The following SGMS1 variants were observed in gnomAD, a reference collection of about 807,000 sequenced individuals.
SGMS1 encodes the protein sphingomyelin synthase 1.
SGMS1 carries 13 observed loss-of-function variants against 46.2 expected under a neutral mutation model. The ratio of observed to expected loss-of-function variants is 0.28; its 90% CI spans 0.18 to 0.45. The LOEUF (loss-of-function observed/expected upper bound fraction) is 0.45. SGMS1 is among the 20% of genes least tolerant of loss of function. The probability of loss-of-function intolerance (pLI) is 1.00; values close to 1 mark genes in which losing one functional copy is unlikely to be tolerated. For missense variants in SGMS1, 324 were observed against 519.9 expected, an observed-to-expected ratio of 0.62 and a Z score of 3.66; for synonymous variants, 203 against 187.8, an observed-to-expected ratio of 1.08 and a Z score of -0.66.
At position 50,569,299 on chromosome 10, in the gene SGMS1, TA is replaced by T. The variant is rs72066798; in HGVS notation, c.-589+20853del. The stretch of plus-strand genomic sequence containing the variant: ...ACATGTATCCCAGAACTTAAAGTAT[TA>T]AAAAAAAAAAAAAAAAAGAGTGGTT... On this transcript the variant is annotated intron_variant, in intron 2 of 10. Transcript: ENST00000361781. Among the ~76,000 whole-genome samples the T allele has an allele frequency of 5.0e-3, 656 of 130,464 alleles. 5 individuals are homozygous for T. Among genetic ancestry groups the T allele is most frequent in the African/African-American group, 0.016 (546 of 34,586 alleles). 85.6% of individuals were successfully genotyped at this position (130,464 alleles called of 152,430 possible).
chr10:50,556,866 G>A lies in SGMS1; in HGVS notation c.-589+33287C>T, dbSNP rs146553736. ...CAAGCACAGGAAATGCCGTCCTGCA[G>A]AGGTAAAGGTTAAGGCCAACATTTC... On this transcript the variant is annotated intron_variant, in intron 2 of 10. Transcript: ENST00000361781. 9.2e-5 allele frequency among the ~76,000 whole-genome samples: 14 copies of A among 152,322 alleles called. No homozygotes were observed. In the East Asian group the frequency reaches 2.7e-3, roughly 29 times the overall value.
At chr10:50,606,375 T>C (rs918303638) in intron 1 of SGMS1, among the ~76,000 whole-genome samples, 1 of 152,186 alleles carries the variant, frequency 6.6e-6, no homozygotes, top group African/African-American at 2.4e-5. Context: ...GAGGAAGTCA[T>C]TCTGGAGATG....
At chr10:50,450,216 G>T (rs558671858) in intron 5 of SGMS1, among the ~76,000 whole-genome samples, 19 of 152,244 alleles carry the variant, frequency 1.2e-4, no homozygotes, top group Non-Finnish European at 2.5e-4. Flanking sequence ...TATTCTATAT[G>T]ATGAGACTAA....
At chr10:50,622,281 T>C (rs1455965374) in intron 1 of SGMS1, among the ~76,000 whole-genome samples, 1 of 152,110 alleles carries the variant, frequency 6.6e-6, no homozygotes, top group Non-Finnish European at 1.5e-5. Context: ...TCTCCCCTTC[T>C]GCACAGGCCA....
intron 6 of SGMS1, among the ~76,000 whole-genome samples, chr10:50,390,103 T>A (rs1848744457): frequency 6.6e-6 from 1 of 152,226 alleles, no homozygotes; most frequent in African/African-American, 2.4e-5. Context: ...CTATTTTATA[T>A]AAATAATTCA....
intron 6 of SGMS1, among the ~76,000 whole-genome samples, chr10:50,376,309 C>T (rs1848520610): frequency 1.3e-5 from 2 of 152,122 alleles, no homozygotes; most frequent in East Asian, 3.8e-4. Flanking sequence ...GTGCCTTACT[C>T]TTGCTGGTTT....
intron 2 of SGMS1, among the ~76,000 whole-genome samples, chr10:50,521,985 C>T (rs1837861060): frequency 6.6e-6 from 1 of 152,100 alleles, no homozygotes; most frequent in African/African-American, 2.4e-5. Flanking sequence ...ATCAAAATTT[C>T]CCCCTAGATT....
intron 5 of SGMS1, among the ~76,000 whole-genome samples, chr10:50,444,391 T>C (rs1836982171): frequency 6.6e-6 from 1 of 152,176 alleles, no homozygotes; most frequent in South Asian, 2.1e-4. Context: ...AATACAGTGC[T>C]GGCATAAGGA....
At chr10:50,357,948 T>G (rs1446587168) in intron 6 of SGMS1, among the ~76,000 whole-genome samples, 1 of 152,158 alleles carries the variant, frequency 6.6e-6, no homozygotes, top group Non-Finnish European at 1.5e-5. Context: ...CTTAGACTTA[T>G]AGTGAACCAA....
intron 2 of SGMS1, among the ~76,000 whole-genome samples, chr10:50,531,953 T>G (rs561561499): frequency 2.0e-5 from 3 of 152,298 alleles, no homozygotes; most frequent in Non-Finnish European, 4.4e-5. Context: ...CAACCCAGAT[T>G]CTGAGACCAA....
chr10:50,376,200 T>C (rs183435884), intron 6 of SGMS1, among the ~76,000 whole-genome samples: 59 of 152,258 alleles, frequency 3.9e-4, no homozygotes, highest in African/African-American at 1.4e-3. Flanking sequence ...CGCTGTGGTG[T>C]GGGGATAGAG....
At chr10:50,565,356 C>T (rs1661639575) in intron 2 of SGMS1, among the ~76,000 whole-genome samples, 1 of 152,172 alleles carries the variant, frequency 6.6e-6, no homozygotes, top group Admixed American at 6.5e-5. Flanking sequence ...CTTCCTGCTG[C>T]TGTAAAAAAG....
At chr10:50,623,476 A>G in intron 1 of SGMS1, 1 of 696,510 alleles carries the variant, frequency 1.4e-6, no homozygotes, top group Non-Finnish European at 1.8e-6. Context: ...GCCCCCTCCG[A>G]GCCCGGATCC....
rs759438114 is a variant in SGMS1 at position 50,556,823 on chromosome 10, C to G, written c.-589+33330G>C. On this transcript the variant is annotated intron_variant, in intron 2 of 10. Transcript: ENST00000361781. ...GCTTGCTTAGCAATCAACATCAAGT[C>G]CACTGACAAGTCCAAAGCAAGCACA... Among the ~76,000 whole-genome samples, 157 of 152,126 alleles carry G rather than the reference C, an allele frequency of 1.0e-3. 3 individuals are homozygous for G. Among genetic ancestry groups the G allele is most frequent in the Non-Finnish European group, 3.1e-4 (21 of 68,024 alleles).
chr10:50,473,747 G>A (rs977838837), intron 3 of SGMS1, among the ~76,000 whole-genome samples: 3 of 152,160 alleles, frequency 2.0e-5, no homozygotes, highest in African/African-American at 7.2e-5. Context: ...CCATTTCTGG[G>A]GGACTCTGCC....
chr10:50,516,648 C>T (rs1227762727), intron 3 of SGMS1, among the ~76,000 whole-genome samples: 4 of 152,070 alleles, frequency 2.6e-5, no homozygotes, highest in Admixed American at 2.6e-4. Flanking sequence ...TCAAAAAGAT[C>T]ACTCTTGCAC....
At chr10:50,576,824 C>T (rs1178191617) in intron 2 of SGMS1, among the ~76,000 whole-genome samples, 1 of 152,142 alleles carries the variant, frequency 6.6e-6, no homozygotes, top group East Asian at 1.9e-4. Flanking sequence ...TTATAATTAC[C>T]ACATGCTAAG....
chr10:50,309,966 C>A (rs1201250678), intron 9 of SGMS1, among the ~76,000 whole-genome samples: 1 of 152,132 alleles, frequency 6.6e-6, no homozygotes, highest in African/African-American at 2.4e-5. Context: ...CTCCCGGTCT[C>A]CAGTTTGGTC....
chr10:50,592,981 A>G (rs1324763142), intron 1 of SGMS1, among the ~76,000 whole-genome samples: 1 of 141,084 alleles, frequency 7.1e-6, no homozygotes, highest in Non-Finnish European at 1.6e-5. Flanking sequence ...CACTTGGAAC[A>G]GGGCTGGCAT....
Sources: allele counts gnomAD v4.1 joint callset (sites outside exome capture counted in the v4.1 genomes callset), GRCh38; gene constraint gnomAD v4.1.1; transcripts MANE v1.5; gene names NCBI Gene and HGNC (gene_info 2026-07-23, HGNC 2026-07-21).